The following SAMSN1 variants were observed in gnomAD, a reference collection of about 807,000 sequenced individuals.
SAMSN1 encodes the protein SAM domain-containing protein SAMSN-1.
A neutral mutation model predicts 42.0 loss-of-function variants in SAMSN1; 31 were observed. The observed-to-expected ratio is 0.74, with a 90% CI of 0.55 to 1.00. The LOEUF is 1.00. Ranked by LOEUF, SAMSN1 falls within the 50% of genes least tolerant of loss-of-function variation. SAMSN1 has a pLI of 0.00. For missense variants in SAMSN1, 464 were observed against 439.4 expected, an observed-to-expected ratio of 1.06 and a Z score of -0.50; for synonymous variants, 178 against 151.9, an observed-to-expected ratio of 1.17 and a Z score of -1.26.
chr21:14,521,350 C>T lies in SAMSN1; in HGVS notation c.58-129G>A, dbSNP rs532590413. 8.5e-6 allele frequency: 5 copies of T among 590,696 alleles called. No individual in the cohort carries two copies. The African/African-American group carries it at 9.4e-5, about 11-fold the overall frequency. 36.6% of individuals were successfully genotyped at this position (590,696 alleles called of 1,614,324 possible). Reference sequence around the variant, plus strand: ...AATACAGGCTTTAAAAAGCTCTTCTCTCTGGAATATCCAAAGGCTGTGAAG... The same window carrying T: ...AATACAGGCTTTAAAAAGCTCTTCTTTCTGGAATATCCAAAGGCTGTGAAG... On this transcript the variant is annotated intron_variant, in intron 1 of 7. Coordinates refer to ENST00000400566, the MANE Select transcript of SAMSN1 (RefSeq NM_022136.5).
intron 2 of SAMSN1, among the ~76,000 whole-genome samples, chr21:14,575,422 A>G: frequency 6.6e-6 from 1 of 151,968 alleles, no homozygotes. Flanking sequence ...ACATTTTCCT[A>G]TTTATCTTTT....
intron 1 of SAMSN1, among the ~76,000 whole-genome samples, chr21:14,537,719 G>C (rs1450100164): frequency 6.6e-6 from 1 of 151,980 alleles, no homozygotes; most frequent in African/African-American, 2.4e-5. Context: ...TTTTTTTAAA[G>C]CTCTTTAGTG....
intron 1 of SAMSN1, among the ~76,000 whole-genome samples, chr21:14,645,435 C>G (rs906940973): frequency 1.3e-5 from 2 of 152,240 alleles, no homozygotes; most frequent in South Asian, 4.1e-4. Context: ...TTTGAGTCTG[C>G]AAGAACCACA....
intron 7 of SAMSN1, among the ~76,000 whole-genome samples, chr21:14,588,787 T>C (rs979493015): frequency 1.2e-4 from 19 of 152,218 alleles, no homozygotes; most frequent in Non-Finnish European, 2.5e-4. Context: ...TGAATGTTTC[T>C]TTTTCTCCAT....
At chr21:14,565,759 T>A (rs897171214) in intron 2 of SAMSN1, among the ~76,000 whole-genome samples, 4 of 152,140 alleles carry the variant, frequency 2.6e-5, no homozygotes, top group Non-Finnish European at 5.9e-5. Flanking sequence ...CTAGTGGTCT[T>A]TCCGTTATAC....
chr21:14,522,343 A>T (rs924456448), intron 1 of SAMSN1, among the ~76,000 whole-genome samples: 1 of 152,184 alleles, frequency 6.6e-6, no homozygotes, highest in Non-Finnish European at 1.5e-5. Context: ...ATTGTTTGGG[A>T]TGGTGGATAT....
intron 2 of SAMSN1, among the ~76,000 whole-genome samples, chr21:14,559,670 T>C (rs779088688): frequency 1.4e-4 from 21 of 151,992 alleles, no homozygotes; most frequent in Non-Finnish European, 2.6e-4. Flanking sequence ...TGTCTAATTT[T>C]TTTTTTTTCT....
chr21:14,641,123 C>A (rs1023147905), intron 2 of SAMSN1, among the ~76,000 whole-genome samples: 2 of 152,056 alleles, frequency 1.3e-5, no homozygotes, highest in African/African-American at 2.4e-5. Context: ...TTGACAGCCT[C>A]CATGTGAATG....
intron 1 of SAMSN1, among the ~76,000 whole-genome samples, chr21:14,542,747 C>G (rs2123150211): frequency 6.6e-6 from 1 of 152,168 alleles, no homozygotes; most frequent in African/African-American, 2.4e-5. Flanking sequence ...GAGTTTGAGA[C>G]CAGCCTGAGC....
intron 1 of SAMSN1, among the ~76,000 whole-genome samples, chr21:14,654,382 A>T: frequency 6.6e-6 from 1 of 152,060 alleles, no homozygotes; most frequent in Non-Finnish European, 1.5e-5. Context: ...TAAAATACGT[A>T]AACATGTAGG....
chr21:14,553,912 T>G (rs1308412487), intron 2 of SAMSN1, among the ~76,000 whole-genome samples: 1 of 152,122 alleles, frequency 6.6e-6, no homozygotes, highest in Non-Finnish European at 1.5e-5. Context: ...AAACTTCTCT[T>G]TAGGCCTATG....
At chr21:14,577,286 T>TATATA (rs1568816302) in intron 2 of SAMSN1, among the ~76,000 whole-genome samples, 22 of 72,952 alleles carry the variant, frequency 3.0e-4, no homozygotes, top group Non-Finnish European at 6.0e-4. Context: ...ATATATATAT[T>TATATA]TTTTTTTTAG....
rs184933698 is a variant in SAMSN1 at position 14,622,956 on chromosome 21, G to A, written c.157-6940C>T. ...ACTCCACAAGCCAGAAGAGAGTGGG[G>A]GCCAATATTCAACATTCTTAAAGAA... On this transcript the variant is annotated intron_variant, in intron 2 of 15. Coordinates refer to the SAMSN1 transcript ENST00000647101. 6.5e-3 allele frequency among the ~76,000 whole-genome samples: 992 copies of A among 152,270 alleles called. 16 individuals carry two copies. The highest frequency in any genetic ancestry group is 0.023 in the African/African-American group (971 of 41,520).
At chr21:14,581,108 ATTTG>A (rs1337407993) in intron 2 of SAMSN1, among the ~76,000 whole-genome samples, 2 of 152,020 alleles carry the variant, frequency 1.3e-5, no homozygotes, top group African/African-American at 4.8e-5. Context: ...ATCCATCCAA[ATTTG>A]TTTGACTCCA....
intron 2 of SAMSN1, among the ~76,000 whole-genome samples, chr21:14,640,724 A>G (rs1289395777): frequency 2.6e-5 from 4 of 152,128 alleles, no homozygotes; most frequent in Admixed American, 2.0e-4. Flanking sequence ...TCGGAATATA[A>G]TAAGTATTAA....
chr21:14,560,234 G>A (rs1980902631), intron 2 of SAMSN1, among the ~76,000 whole-genome samples: 1 of 152,128 alleles, frequency 6.6e-6, no homozygotes, highest in South Asian at 2.1e-4. Flanking sequence ...TTGTCAGGTG[G>A]ACAAGAAAAA....
intron 6 of SAMSN1, among the ~76,000 whole-genome samples, chr21:14,599,842 G>A (rs1982381895): frequency 6.6e-6 from 1 of 151,948 alleles, no homozygotes; most frequent in Non-Finnish European, 1.5e-5. Context: ...AAACTACCCG[G>A]TCTCAAGTAT....
At chr21:14,525,917 T>A (rs1913976967) in intron 1 of SAMSN1, among the ~76,000 whole-genome samples, 1 of 152,154 alleles carries the variant, frequency 6.6e-6, no homozygotes, top group South Asian at 2.1e-4. Flanking sequence ...CAGGCTGGAG[T>A]GCAGTGGCTC....
intron 7 of SAMSN1, among the ~76,000 whole-genome samples, chr21:14,590,046 C>CTT (rs1405555126): frequency 1.3e-5 from 2 of 152,102 alleles, no homozygotes; most frequent in Admixed American, 1.3e-4. Context: ...GTTTTCCGGT[C>CTT]TTATGACTCG....
Sources: gnomAD v4.1 joint callset for allele counts (sites outside exome capture counted in the v4.1 genomes callset) on GRCh38, gnomAD v4.1.1 for gene constraint, MANE v1.5 for transcripts, NCBI Gene and HGNC (gene_info 2026-07-23, HGNC 2026-07-21) for gene names.